ORC2: variants seen among roughly 807,000 people sequenced by gnomAD.
ORC2 encodes the protein origin recognition complex subunit 2.
ORC2 carries 37 observed loss-of-function variants against 77.7 expected under a neutral mutation model. That is an observed-to-expected ratio of 0.48 (90% confidence interval 0.37 to 0.63). The LOEUF is 0.63. ORC2 is among the 20% of genes least tolerant of loss of function. The pLI, the probability that ORC2 is intolerant of heterozygous loss-of-function variation, is 0.00. For synonymous variants in ORC2, 201 were observed against 229.5 expected (o/e 0.88, Z 1.12); for missense variants, 557 against 661.9 (o/e 0.84, Z 1.74).
rs547763789 is a variant in ORC2 at position 200,910,029 on chromosome 2, T to G, written c.*1272A>C. The G allele has an allele frequency of 2.0e-5, 3 of 152,274 alleles. No individual in the cohort carries two copies. Among genetic ancestry groups the G allele is most frequent in the East Asian group, 3.9e-4 (2 of 5,182 alleles). The allele number at this position is 152,274 out of a possible 1,614,324, so 9.4% of individuals were successfully genotyped here. On this transcript the variant is annotated 3_prime_UTR_variant, in exon 18 of 18. Coordinates refer to ENST00000234296, the MANE Select transcript of ORC2 (RefSeq NM_006190.5). ...CCTCCTGCCTTGGCCTCCCAAAGTG[T>G]TGTGATTACAGGCATAAGCCATTAT... is the stretch of plus-strand genomic sequence containing the variant.
Position 200,957,528 on chromosome 2 carries a change from C to G in ORC2, c.111G>C (p.Lys37Asn), listed in dbSNP as rs774501500. 6.2e-7 allele frequency: 1 copy of G among 1,603,384 alleles called. No individual in the cohort carries two copies. The highest frequency in any genetic ancestry group is 1.3e-5 in the African/African-American group (1 of 74,270). ...GGTTGACCAAAAGCTGCGCTCGCTC[C>G]TTCTTCAATTTAGCTCCTATAAGAA... is the stretch of plus-strand genomic sequence containing the variant. ...LDREGGAKLK[K>N]ERAQLLVNPK... Residue 37 changes from lysine to asparagine, a missense_variant, in exon 4 of 18, where the codon AAG becomes AAC. Coordinates refer to ENST00000234296, the MANE Select transcript of ORC2 (RefSeq NM_006190.5).
intron 7 of ORC2, 139 bp downstream of exon 7, chr2:200,941,109 G>T: frequency 1.8e-6 from 1 of 561,738 alleles, no homozygotes. Flanking sequence ...TATAAGTTAG[G>T]TATTTAACTG....
chr2:200,923,546 G>A (rs538344275), intron 13 of ORC2, among the ~76,000 whole-genome samples: 300 of 152,132 alleles, frequency 2.0e-3, no homozygotes, highest in African/African-American at 6.5e-3. Context: ...CACCGCATCC[G>A]GCTTAAGGGC....
In ORC2 at chr2:200,937,932, G is replaced by A. The variant is rs1206964556; in HGVS notation, c.488C>T (p.Pro163Leu). The A allele has an allele frequency of 1.2e-6, 2 of 1,601,318 alleles. No individual in the cohort carries two copies. The highest frequency in any genetic ancestry group is 1.7e-5 in the Admixed American group (1 of 58,376). Reference sequence around the variant, plus strand: ...TATTAATCTTTTTCTTAGACTACGAGGTGCTGTTGACAGAAATTCACTTTT... The same window carrying A: ...TATTAATCTTTTTCTTAGACTACGAAGTGCTGTTGACAGAAATTCACTTTT... Reference protein sequence around the residue: ...NDKSEFLSTAPRSLRKRLIVP... With the variant: ...NDKSEFLSTALRSLRKRLIVP... The change falls in exon 8 of 18, where the codon CCT becomes CTT. Residue 163 changes from proline (P) to leucine (L), a missense_variant. Transcript: ENST00000234296.
intron 17 of ORC2, among the ~76,000 whole-genome samples, chr2:200,912,237 A>G (rs751740596): frequency 5.9e-5 from 9 of 152,190 alleles, no homozygotes; most frequent in Non-Finnish European, 1.2e-4. Flanking sequence ...TAAATATATA[A>G]GAATCATAAT....
intron 15 of ORC2, among the ~76,000 whole-genome samples, chr2:200,917,161 AT>A (rs2040671482): frequency 6.6e-6 from 1 of 151,266 alleles, no homozygotes; most frequent in Non-Finnish European, 1.5e-5. Context: ...TGCCCAGCTG[AT>A]TTTTTAATTT....
At chr2:200,924,721 A>G (rs952810511) in intron 13 of ORC2, among the ~76,000 whole-genome samples, 5 of 152,198 alleles carry the variant, frequency 3.3e-5, no homozygotes, top group African/African-American at 7.2e-5. Flanking sequence ...AATTATCTCA[A>G]TGTAATGATA....
intron 4 of ORC2, among the ~76,000 whole-genome samples, chr2:200,951,444 G>C (rs1206793793): frequency 6.6e-6 from 1 of 152,208 alleles, no homozygotes; most frequent in East Asian, 1.9e-4. Flanking sequence ...CAGCAGCACA[G>C]CTGTTTTTCA....
At chr2:200,957,626 T>A (rs1482178589) in intron 3 of ORC2, 82 bp from the exon 4 acceptor site, 1 of 1,041,468 alleles carries the variant, frequency 9.6e-7, no homozygotes, top group Non-Finnish European at 1.3e-6. Context: ...ATTATAATAT[T>A]TATATTGTCA....
chr2:200,931,186 T>C (rs899715906), intron 11 of ORC2, among the ~76,000 whole-genome samples, 153 bp downstream of exon 11: 1 of 152,184 alleles, frequency 6.6e-6, no homozygotes, highest in Non-Finnish European at 1.5e-5. Context: ...CATTTCTATA[T>C]CTGAGTCATA....
chr2:200,962,530 A>G lies in ORC2; in HGVS notation c.-60+960T>C, dbSNP rs563107776. The stretch of plus-strand genomic sequence containing the variant: ...GACTTTGTCCAAAGTCCTGACGATT[A>G]AATGAAATGATGTGCCTGATATATA... On this transcript the variant is annotated intron_variant, in intron 1 of 17. Coordinates refer to ENST00000234296, the MANE Select transcript of ORC2 (RefSeq NM_006190.5). 2.0e-5 allele frequency among the ~76,000 whole-genome samples: 3 copies of G among 152,366 alleles called. No individual in the cohort carries two copies. The East Asian group carries it at 5.8e-4, about 29-fold the overall frequency.
Position 200,910,224 on chromosome 2 carries a change from A to G in ORC2, c.*1077T>C, listed in dbSNP as rs1190179135. 6.6e-6 allele frequency: 1 copy of G among 152,232 alleles called. No individual in the cohort carries two copies. 9.4% of individuals were successfully genotyped at this position (152,232 alleles called of 1,614,324 possible). A position where few individuals can be genotyped will look rare whatever the true frequency, so the allele number is the denominator to read the frequency against. ...TATTTTCAGGAAGAACTTCATTTCC[A>G]AGTGTCAAATATTTCAGGGGGTATG... On this transcript the variant is annotated 3_prime_UTR_variant, in exon 18 of 18. Coordinates refer to ENST00000234296, the MANE Select transcript of ORC2 (RefSeq NM_006190.5).
chr2:200,959,714 T>C (rs911693136), intron 1 of ORC2, among the ~76,000 whole-genome samples: 3 of 152,214 alleles, frequency 2.0e-5, no homozygotes, highest in African/African-American at 7.2e-5. Context: ...GAGTACTCCA[T>C]ATGTATTCTC....
At chr2:200,930,840 AAC>A (rs1461953729) in intron 11 of ORC2, among the ~76,000 whole-genome samples, 11 of 152,228 alleles carry the variant, frequency 7.2e-5, no homozygotes, top group Admixed American at 6.5e-4. Flanking sequence ...TGAAAATAAT[AAC>A]AGTGAAAAAA....
intron 10 of ORC2, among the ~76,000 whole-genome samples, chr2:200,931,896 A>T (rs1240300166): frequency 6.6e-6 from 1 of 152,236 alleles, no homozygotes; most frequent in African/African-American, 2.4e-5. Flanking sequence ...TAAACTGAGG[A>T]AAGTGCATTG....
chr2:200,927,049 G>A lies in ORC2; in HGVS notation c.918-149C>T. 15 of 748,972 alleles carry A rather than the reference G, an allele frequency of 2.0e-5. 1 individual carries two copies. In the South Asian group the frequency reaches 2.7e-4, roughly 14 times the overall value. The allele number at this position is 748,972 out of a possible 1,614,324, so 46.4% of individuals were successfully genotyped here. On this transcript the variant is annotated intron_variant, in intron 11 of 17. Transcript: ENST00000234296. ...CAAGCCTGTAATCCCCGAATTTTGG[G>A]AAGGCAAACGCAAAAAAGTTTTTCA...
At chr2:200,956,464 A>T (rs1251047619) in intron 4 of ORC2, among the ~76,000 whole-genome samples, 1 of 152,056 alleles carries the variant, frequency 6.6e-6, no homozygotes, top group African/African-American at 2.4e-5. Context: ...TACAGGCATG[A>T]GCCATCACAC....
At chr2:200,960,781 C>G (rs2041556372) in intron 1 of ORC2, among the ~76,000 whole-genome samples, 1 of 151,904 alleles carries the variant, frequency 6.6e-6, no homozygotes, top group African/African-American at 2.4e-5. Flanking sequence ...ATCCTAACTT[C>G]TTCTTTTTTT....
rs1163268012 is a variant in ORC2 at position 200,925,948 on chromosome 2, G to A, written c.1051-16C>T. 1.7e-6 allele frequency: 2 copies of A among 1,171,292 alleles called. No individual in the cohort carries two copies. Among genetic ancestry groups the A allele is most frequent in the Non-Finnish European group, 2.5e-6 (2 of 796,526 alleles). 72.6% of individuals were successfully genotyped at this position (1,171,292 alleles called of 1,614,324 possible). A position where few individuals can be genotyped will look rare whatever the true frequency, so the allele number is the denominator to read the frequency against. The stretch of plus-strand genomic sequence containing the variant: ...AATTCAGGACCTATATCATGAATGT[G>A]GAAGAGGTACCACATTAATTACAAT... On this transcript the variant is annotated splice_polypyrimidine_tract_variant and intron_variant, in intron 12 of 17. Transcript: ENST00000234296.
Sources: allele counts gnomAD v4.1 joint callset (sites outside exome capture counted in the v4.1 genomes callset), GRCh38; gene constraint gnomAD v4.1.1; transcripts MANE v1.5; gene names NCBI Gene and HGNC (gene_info 2026-07-23, HGNC 2026-07-21).